Variants in RARRES2 observed in about 807,000 individuals in gnomAD.
RARRES2 encodes the protein retinoic acid receptor responder 2, also known as retinoic acid receptor responder protein 2.
Under a neutral mutation model 17.9 loss-of-function variants are expected in RARRES2, and 12 were observed. The ratio of observed to expected loss-of-function variants is 0.67; its 90% CI spans 0.43 to 1.08. The LOEUF (loss-of-function observed/expected upper bound fraction) is 1.08, where lower values mean the gene tolerates loss of function less well. Among genes scored for constraint, RARRES2 ranks in the 50% least tolerant of loss-of-function variants. The probability of loss-of-function intolerance (pLI) is 0.00; values close to 1 mark genes in which losing one functional copy is unlikely to be tolerated. For synonymous variants in RARRES2, 82 were observed against 86.8 expected (o/e 0.94, Z 0.31); for missense variants, 220 against 210.1 (o/e 1.05, Z -0.29).
rs199822756 is a variant in RARRES2, at chr7:150,340,140, C to G, written c.239G>C (p.Arg80Thr). The G allele has an allele frequency of 6.2e-7, 1 of 1,614,226 alleles. No homozygotes were observed. Among genetic ancestry groups the G allele is most frequent in the Non-Finnish European group, 8.5e-7 (1 of 1,180,026 alleles). ...TTTGCACTCGGGTTTCTTCCAGTCC[C>G]TCTTCCGGCAGCTTGTCTGCTGCAG... ...FKLQQTSCRK[R>T]DWKKPECKVR... Residue 80 changes from arginine to threonine, a missense_variant, in exon 3 of 6, where the codon AGG (arginine) becomes ACG (threonine). Coordinates refer to ENST00000223271, the MANE Select transcript of RARRES2 (RefSeq NM_002889.4).
intron 5 of RARRES2, 60 bp from the exon 6 acceptor site, chr7:150,338,499 C>T: frequency 6.6e-7 from 1 of 1,518,658 alleles, no homozygotes. Flanking sequence ...CCAGTCCCAG[C>T]TTTCCTCCCA....
chr7:150,340,125 G>C lies in RARRES2; in HGVS notation c.254C>G (p.Pro85Arg). The change falls in exon 3 of 6, where the codon CCC (proline) becomes CGC (arginine). Residue 85 changes from proline (P) to arginine (R), a missense_variant. Coordinates refer to ENST00000223271, the MANE Select transcript of RARRES2 (RefSeq NM_002889.4). ...TSCRKRDWKK[P>R]ECKVRPNGRK... ...CCCATTGGGCCTGACTTTGCACTCG[G>C]GTTTCTTCCAGTCCCTCTTCCGGCA... The C allele has an allele frequency of 1.9e-6, 3 of 1,614,142 alleles. No homozygotes were observed. Among genetic ancestry groups the C allele is most frequent in the Non-Finnish European group, 2.5e-6 (3 of 1,179,998 alleles).
intron 1 of RARRES2, 116 bp downstream of exon 1, chr7:150,341,461 GA>G (rs2129618634): frequency 6.6e-6 from 1 of 152,346 alleles, no homozygotes; most frequent in South Asian, 2.1e-4. Context: ...TGTGGAAACC[GA>G]GGCCCCTCAG....
intron 1 of RARRES2, chr7:150,341,339 C>G (rs1798485249): frequency 6.6e-6 from 1 of 152,542 alleles, no homozygotes; most frequent in Non-Finnish European, 1.5e-5. Flanking sequence ...CACGACCCCT[C>G]TTCCTAGCCC....
chr7:150,338,571 G>A, intron 5 of RARRES2, 44 bp downstream of exon 5: 1 of 1,542,774 alleles, frequency 6.5e-7, no homozygotes, highest in Admixed American at 2.0e-5. Context: ...GCATTCCCAG[G>A]GCTGGCCTCA....
At chr7:150,339,941 C>G (rs1798439114) in intron 3 of RARRES2, among the ~76,000 whole-genome samples, 159 bp downstream of exon 3, 1 of 152,202 alleles carries the variant, frequency 6.6e-6, no homozygotes, top group Non-Finnish European at 1.5e-5. Context: ...CACTCCACCT[C>G]TAAGGAGGCT....
intron 4 of RARRES2, 59 bp downstream of exon 4, chr7:150,338,927 T>C: frequency 6.4e-7 from 1 of 1,551,246 alleles, no homozygotes; most frequent in Non-Finnish European, 8.9e-7. Flanking sequence ...GCCCATAGGC[T>C]CAGCTTCCAT....
At chr7:150,339,877 T>G (rs1308388322) in intron 3 of RARRES2, among the ~76,000 whole-genome samples, 2 of 152,144 alleles carry the variant, frequency 1.3e-5, no homozygotes, top group Non-Finnish European at 2.9e-5. Context: ...TCTTCCTGTC[T>G]GCCAGGCCCC....
chr7:150,338,489 CCA>C, intron 5 of RARRES2, 50 bp from the exon 6 acceptor site: 1 of 1,519,610 alleles, frequency 6.6e-7, no homozygotes, highest in Non-Finnish European at 8.8e-7. Flanking sequence ...TGCTTCAGCC[CCA>C]GTCCCAGCTT....
Position 150,340,550 on chromosome 7 carries a change from G to A in RARRES2, c.60C>T (p.Ala20=), listed in dbSNP as rs189776236. The A allele has an allele frequency of 3.2e-6, 5 of 1,575,098 alleles. No individual in the cohort carries two copies. Among genetic ancestry groups the A allele is most frequent in the Non-Finnish European group, 4.3e-6 (5 of 1,161,386 alleles). ...CCCGGCGCTGGGCTTCCGTGAGCTC[G>A]GCGACGCCCACGCCCACCGCACCCA... ...LWLGAVGVGV[A]ELTEAQRRGL... Residue 20 remains alanine, a synonymous_variant, in exon 2 of 6, where the codon GCC becomes GCT. Coordinates refer to ENST00000223271, the MANE Select transcript of RARRES2 (RefSeq NM_002889.4).
chr7:150,338,592 G>T, intron 5 of RARRES2, 23 bp downstream of exon 5: 1 of 1,550,034 alleles, frequency 6.5e-7, no homozygotes, highest in Non-Finnish European at 8.7e-7. Context: ...TCCAGACGGT[G>T]CTCTCAGCCC....
Position 150,340,611 on chromosome 7 carries a change from C to T in RARRES2, c.-2G>A. ...CAGAGGGATCAGCAGCCGTCGCATG[C>T]TTCCGTGTCACCCTGGCCCTGCGAA... On this transcript the variant is annotated 5_prime_UTR_variant, in exon 2 of 6. Transcript: ENST00000223271. 2 of 1,513,708 alleles carry T rather than the reference C, an allele frequency of 1.3e-6. No homozygotes were observed. The highest frequency in any genetic ancestry group is 1.8e-6 in the Non-Finnish European group (2 of 1,128,086). 93.8% of individuals were successfully genotyped at this position (1,513,708 alleles called of 1,614,324 possible). A position where few individuals can be genotyped will look rare whatever the true frequency, so the allele number is the denominator to read the frequency against.
intron 2 of RARRES2, 92 bp from the exon 3 acceptor site, chr7:150,340,296 A>G (rs1798451123): frequency 6.4e-7 from 1 of 1,553,234 alleles, no homozygotes; most frequent in African/African-American, 1.4e-5. Flanking sequence ...TCACGCAGTC[A>G]CATTCCAGCA....
rs535178572 is a variant in RARRES2, at chr7:150,340,672, G to A, written c.-20-43C>T. Reference sequence around the variant, plus strand: ...GCCCCTCAGCTCTCCGAGCCAGCCCGAGCCGCCTCCTCCCGCGCCCTGCTC... The same window carrying A: ...GCCCCTCAGCTCTCCGAGCCAGCCCAAGCCGCCTCCTCCCGCGCCCTGCTC... On this transcript the variant is annotated intron_variant, in intron 1 of 5. Coordinates refer to ENST00000223271, the MANE Select transcript of RARRES2 (RefSeq NM_002889.4). 4.2e-6 allele frequency: 6 copies of A among 1,426,542 alleles called. No homozygotes were observed. In the African/African-American group the frequency reaches 4.4e-5, roughly 10 times the overall value. The allele number at this position is 1,426,542 out of a possible 1,614,324, so 88.4% of individuals were successfully genotyped here.
Position 150,340,524 on chromosome 7 carries a change from C to G in RARRES2, c.86G>C (p.Gly29Ala). 6.3e-7 allele frequency: 1 copy of G among 1,589,292 alleles called. No individual in the cohort carries two copies. Among genetic ancestry groups the G allele is most frequent in the Non-Finnish European group, 8.6e-7 (1 of 1,168,208 alleles). The part of the protein sequence containing the change: ...VAELTEAQRR[G>A]LQVALEEFHK... ...AAATTCCTCCAGGGCCACCTGCAGGCCCCGGCGCTGGGCTTCCGTGAGCTC... is the reference window on the plus strand; with the variant it reads ...AAATTCCTCCAGGGCCACCTGCAGGGCCCGGCGCTGGGCTTCCGTGAGCTC... Residue 29 changes from glycine to alanine, a missense_variant, in exon 2 of 6, where the codon GGC becomes GCC. Coordinates refer to ENST00000223271, the MANE Select transcript of RARRES2 (RefSeq NM_002889.4).
intron 3 of RARRES2, 128 bp downstream of exon 3, chr7:150,339,972 C>T (rs1798439976): frequency 7.0e-6 from 6 of 860,044 alleles, no homozygotes; most frequent in Admixed American, 5.5e-5. Context: ...GGGTCTCTAA[C>T]CTCAGGGCTT....
In RARRES2 at chr7:150,340,613, TC is replaced by T; in HGVS notation, c.-5del. 1 of 1,511,394 alleles carries T rather than the reference TC, an allele frequency of 6.6e-7. No individual in the cohort carries two copies. Among genetic ancestry groups the T allele is most frequent in the Non-Finnish European group, 8.9e-7 (1 of 1,127,052 alleles). 93.6% of individuals were successfully genotyped at this position (1,511,394 alleles called of 1,614,324 possible). A position where few individuals can be genotyped will look rare whatever the true frequency, so the allele number is the denominator to read the frequency against. On this transcript the variant is annotated 5_prime_UTR_variant, in exon 2 of 6. Transcript: ENST00000223271. The stretch of plus-strand genomic sequence containing the variant: ...GAGGGATCAGCAGCCGTCGCATGCT[TC>T]CGTGTCACCCTGGCCCTGCGAAGCG...
At chr7:150,339,462 G>C (rs117380171) in intron 3 of RARRES2, among the ~76,000 whole-genome samples, 1,708 of 152,214 alleles carry the variant, frequency 0.011, 16 homozygotes, top group Non-Finnish European at 0.02. Context: ...TCCTCCGATG[G>C]GTTCTTCCCA....
In RARRES2 at chr7:150,340,421, G is replaced by A. The variant is rs1309216089; in HGVS notation, c.174+15C>T. Reference sequence around the variant, plus strand: ...GTACGACCCTCCCCGCTCCTGCCCGGGCCATGCTACTCACCGTGTCCACGG... The same window carrying A: ...GTACGACCCTCCCCGCTCCTGCCCGAGCCATGCTACTCACCGTGTCCACGG... On this transcript the variant is annotated intron_variant, in intron 2 of 5. Coordinates refer to ENST00000223271, the MANE Select transcript of RARRES2 (RefSeq NM_002889.4). 8.8e-6 allele frequency: 14 copies of A among 1,587,102 alleles called. No individual in the cohort carries two copies. The highest frequency in any genetic ancestry group is 4.5e-5 in the East Asian group (2 of 44,342).
Sources: allele counts gnomAD v4.1 joint callset (sites outside exome capture counted in the v4.1 genomes callset), GRCh38; gene constraint gnomAD v4.1.1; transcripts MANE v1.5; gene names NCBI Gene and HGNC (gene_info 2026-07-23, HGNC 2026-07-21).